Variants in NCAM2 observed in about 807,000 individuals in gnomAD.
NCAM2 encodes the protein neural cell adhesion molecule 2, also known as N-CAM-2.
A neutral mutation model predicts 98.1 loss-of-function variants in NCAM2; 30 were observed. The ratio of observed to expected loss-of-function variants is 0.31; its 90% CI spans 0.23 to 0.41. NCAM2 has a LOEUF of 0.41. NCAM2 is among the 10% of genes least tolerant of loss of function. The pLI is 1.00. For synonymous variants in NCAM2, 368 were observed against 342.4 expected, an observed-to-expected ratio of 1.07 and a Z score of -0.83; for missense variants, 867 against 1,005.8, an observed-to-expected ratio of 0.86 and a Z score of 1.87.
intron 1 of NCAM2, chr21:21,226,943 GAGAA>G (rs745963380): frequency 1.2e-4 from 18 of 151,970 alleles, no homozygotes; most frequent in Non-Finnish European, 2.4e-4. Context: ...GATGGAAGAA[GAGAA>G]AGAATTTAAA....
At chr21:21,210,793 G>C in intron 1 of NCAM2, 1 of 425,600 alleles carries the variant, frequency 2.3e-6, no homozygotes, top group Non-Finnish European at 3.8e-6. Flanking sequence ...AACTCCCCTA[G>C]AGGGAGAATG....
chr21:21,293,011 A>C lies in NCAM2; in HGVS notation c.619+770A>C, dbSNP rs1372093421. The stretch of plus-strand genomic sequence containing the variant: ...AAGAAATGCCACACTTAAAACCATC[A>C]GCTCTCATGAGAACTCCCTCGCTGT... On this transcript the variant is annotated intron_variant, in intron 5 of 17. Coordinates refer to ENST00000400546, the MANE Select transcript of NCAM2 (RefSeq NM_004540.5). Among the ~76,000 whole-genome samples the C allele has an allele frequency of 2.6e-5, 4 of 151,808 alleles. No homozygotes were observed. The South Asian group carries it at 6.2e-4, about 24-fold the overall frequency.
chr21:21,426,556 C>A (rs1356307789), intron 11 of NCAM2, among the ~76,000 whole-genome samples: 2 of 152,124 alleles, frequency 1.3e-5, no homozygotes, highest in African/African-American at 4.8e-5. Flanking sequence ...TAAGCGTGGT[C>A]CACATGTGAA....
At chr21:21,043,388 G>C (rs1178861907) in intron 1 of NCAM2, among the ~76,000 whole-genome samples, 5 of 152,106 alleles carry the variant, frequency 3.3e-5, no homozygotes, top group African/African-American at 1.2e-4. Flanking sequence ...TTGAGAATTA[G>C]ATGAGATAAT....
chr21:21,527,824 A>G (rs1441554360), intron 16 of NCAM2, among the ~76,000 whole-genome samples: 2 of 152,172 alleles, frequency 1.3e-5, no homozygotes, highest in African/African-American at 4.8e-5. Context: ...CTTACCTTAA[A>G]ATTTATTATT....
At chr21:21,071,865 G>A (rs9979970) in intron 1 of NCAM2, among the ~76,000 whole-genome samples, 4,247 of 136,830 alleles carry the variant, frequency 0.031, 16 homozygotes, top group African/African-American at 0.11. Context: ...TATTTGTCAT[G>A]TCTGCCTATC....
intron 5 of NCAM2, among the ~76,000 whole-genome samples, chr21:21,319,706 A>T (rs1226447786): frequency 6.6e-6 from 1 of 150,548 alleles, no homozygotes; most frequent in Admixed American, 6.6e-5. Flanking sequence ...GTTGCCTCTT[A>T]TTTTTTTTTT....
At chr21:21,152,180 AT>A (rs2067468136) in intron 1 of NCAM2, among the ~76,000 whole-genome samples, 1 of 151,852 alleles carries the variant, frequency 6.6e-6, no homozygotes, top group Admixed American at 6.6e-5. Context: ...TTTAATTGTG[AT>A]GTCCTAAAGT....
chr21:21,175,524 C>A (rs1362171005), intron 1 of NCAM2, among the ~76,000 whole-genome samples: 5 of 151,700 alleles, frequency 3.3e-5, no homozygotes, highest in Non-Finnish European at 7.4e-5. Context: ...CAGAGCGAGA[C>A]TCCGTCTCAA....
intron 1 of NCAM2, among the ~76,000 whole-genome samples, chr21:21,106,314 C>CAAAAAAA (rs202018731): frequency 3.9e-5 from 4 of 103,490 alleles, no homozygotes; most frequent in African/African-American, 1.3e-4. Context: ...GTCTCAAAAG[C>CAAAAAAA]AAAAAAAAAA....
intron 1 of NCAM2, among the ~76,000 whole-genome samples, chr21:21,217,428 T>G (rs188056757): frequency 3.3e-5 from 5 of 152,314 alleles, no homozygotes; most frequent in Admixed American, 2.6e-4. Flanking sequence ...GTATACATTT[T>G]TATTTCTCAG....
At chr21:21,174,655 A>T (rs1390883147) in intron 1 of NCAM2, among the ~76,000 whole-genome samples, 1 of 152,150 alleles carries the variant, frequency 6.6e-6, no homozygotes, top group Non-Finnish European at 1.5e-5. Flanking sequence ...GATATAAGAA[A>T]TCCTGTTAGG....
At chr21:21,252,570 A>C (rs926821084) in intron 1 of NCAM2, among the ~76,000 whole-genome samples, 41 of 152,130 alleles carry the variant, frequency 2.7e-4, no homozygotes, top group Admixed American at 1.4e-3. Flanking sequence ...AAAATGAAAC[A>C]AGAGTGACAT....
chr21:21,463,498 C>G (rs138314977), intron 12 of NCAM2, among the ~76,000 whole-genome samples: 1 of 152,106 alleles, frequency 6.6e-6, no homozygotes, highest in African/African-American at 2.4e-5. Flanking sequence ...TAAAGGTTAT[C>G]TATAAAACCT....
intron 1 of NCAM2, among the ~76,000 whole-genome samples, chr21:21,201,935 G>GA (rs1480368174): frequency 6.6e-6 from 1 of 152,122 alleles, no homozygotes; most frequent in Non-Finnish European, 1.5e-5. Context: ...GTTAAAAAAA[G>GA]ACTTCCAGGT....
chr21:21,437,493 T>C (rs1483884255), intron 12 of NCAM2, among the ~76,000 whole-genome samples: 1 of 151,888 alleles, frequency 6.6e-6, no homozygotes, highest in Non-Finnish European at 1.5e-5. Flanking sequence ...TGTGTGTGTG[T>C]GTGTGTGTTT....
At chr21:21,522,170 A>G (rs1344635632) in intron 16 of NCAM2, among the ~76,000 whole-genome samples, 3 of 148,086 alleles carry the variant, frequency 2.0e-5, no homozygotes, top group Non-Finnish European at 4.5e-5. Context: ...ATATATGAAT[A>G]TGAATATATA....
In NCAM2 at chr21:21,418,435, T is replaced by C. The variant is rs200462913; in HGVS notation, c.1384-38T>C. 47 of 1,481,622 alleles carry C rather than the reference T, an allele frequency of 3.2e-5. No individual in the cohort carries two copies. In the East Asian group the frequency reaches 1.0e-3, roughly 32 times the overall value. The allele number at this position is 1,481,622 out of a possible 1,614,324, so 91.8% of individuals were successfully genotyped here. A position where few individuals can be genotyped will look rare whatever the true frequency, so the allele number is the denominator to read the frequency against. ...GGTTTATTATAAAACTTCTGTGATG[T>C]TTTAGAATTGTAACATTTGTTATTA... On this transcript the variant is annotated intron_variant, in intron 10 of 17. Transcript: ENST00000400546.
intron 15 of NCAM2, among the ~76,000 whole-genome samples, chr21:21,479,452 T>C (rs1450133422): frequency 2.6e-5 from 4 of 151,018 alleles, no homozygotes; most frequent in Non-Finnish European, 4.4e-5. Flanking sequence ...GGCGTGGTGG[T>C]GGACGCCTGT....
Sources: gnomAD v4.1 joint callset for allele counts (sites outside exome capture counted in the v4.1 genomes callset) on GRCh38, gnomAD v4.1.1 for gene constraint, MANE v1.5 for transcripts, NCBI Gene and HGNC (gene_info 2026-07-23, HGNC 2026-07-21) for gene names.